The following ABCA13 variants were observed in gnomAD, a reference collection of about 807,000 sequenced individuals.
The protein encoded by ABCA13 is ATP-binding cassette sub-family A member 13.
A neutral mutation model predicts 478.7 loss-of-function variants in ABCA13; 476 were observed. The observed-to-expected ratio is 0.99, with a 90% CI of 0.92 to 1.07. The LOEUF (loss-of-function observed/expected upper bound fraction) is 1.07. Among genes scored for constraint, ABCA13 ranks in the 50% least tolerant of loss-of-function variants. The probability of loss-of-function intolerance (pLI) is 0.00; values close to 1 mark genes in which losing one functional copy is unlikely to be tolerated. For synonymous variants in ABCA13, 2,252 were observed against 2,158.9 expected (o/e 1.04, Z -1.20); for missense variants, 6,060 against 5,910.6 (o/e 1.03, Z -0.83).
At chr7:48,204,243 T>A (rs1393203560) in intron 3 of ABCA13, among the ~76,000 whole-genome samples, 1 of 150,692 alleles carries the variant, frequency 6.6e-6, no homozygotes, top group Non-Finnish European at 1.5e-5. Flanking sequence ...ACAGTCTGGC[T>A]CTGCTGCCCA....
chr7:48,183,606 T>A (rs1584014156), intron 1 of ABCA13, among the ~76,000 whole-genome samples: 1 of 152,364 alleles, frequency 6.6e-6, no homozygotes, highest in East Asian at 1.9e-4. Flanking sequence ...AGGGATTGTG[T>A]ACGGCTCTGC....
intron 58 of ABCA13, 30 bp from the exon 59 acceptor site, chr7:48,615,255 C>G (rs774503314): frequency 7.1e-7 from 1 of 1,410,358 alleles, no homozygotes; most frequent in South Asian, 1.7e-5. Flanking sequence ...CAGGAAATGG[C>G]TCATTTTTGT....
intron 58 of ABCA13, among the ~76,000 whole-genome samples, chr7:48,611,196 A>G (rs996786105): frequency 5.3e-5 from 8 of 152,118 alleles, no homozygotes; most frequent in African/African-American, 1.9e-4. Context: ...AGTTTCCAAT[A>G]AGTTTCTCAT....
intron 3 of ABCA13, among the ~76,000 whole-genome samples, chr7:48,200,619 G>C (rs1388808636): frequency 6.6e-6 from 1 of 152,138 alleles, no homozygotes; most frequent in Admixed American, 6.5e-5. Context: ...CAAGTCAGAG[G>C]TATAAGAAAT....
chr7:48,428,056 G>GA (rs34529024), intron 42 of ABCA13, among the ~76,000 whole-genome samples, 185 bp downstream of exon 42: 44 of 147,046 alleles, frequency 3.0e-4, no homozygotes, highest in South Asian at 4.3e-4. Context: ...ATCCTGGCTT[G>GA]AAAAAAAAAA....
Position 48,389,137 on chromosome 7 carries a change from G to A in ABCA13, c.11571G>A (p.Val3857=). 1.2e-6 allele frequency: 2 copies of A among 1,613,944 alleles called. No homozygotes were observed. The highest frequency in any genetic ancestry group is 1.7e-6 in the Non-Finnish European group (2 of 1,179,864). ...VTKEYEGHKA[V]VQDLSLTFYR... The stretch of plus-strand genomic sequence containing the variant: ...AGGAATATGAGGGCCACAAGGCTGT[G>A]GTCCAAGACCTCAGCCTGACCTTCT... The change falls in exon 37 of 62, where the codon GTG becomes GTA. Residue 3857 remains valine, a synonymous_variant. Transcript: ENST00000435803.
intron 21 of ABCA13, among the ~76,000 whole-genome samples, chr7:48,296,796 A>G (rs1216541079): frequency 6.6e-6 from 1 of 152,140 alleles, no homozygotes; most frequent in Non-Finnish European, 1.5e-5. Context: ...TGTTTGATCA[A>G]TTTTGCTTAG....
At chr7:48,182,309 T>C (rs143021581) in intron 1 of ABCA13, among the ~76,000 whole-genome samples, 2 of 152,354 alleles carry the variant, frequency 1.3e-5, no homozygotes, top group African/African-American at 4.8e-5. Context: ...AAAATAACTC[T>C]TTTATACATA....
intron 2 of ABCA13, among the ~76,000 whole-genome samples, chr7:48,196,427 GC>G (rs1000350695): frequency 2.6e-5 from 4 of 152,106 alleles, no homozygotes; most frequent in Non-Finnish European, 4.4e-5. Flanking sequence ...GCTCCATCAA[GC>G]CCCCCATCAG....
At chr7:48,209,012 G>T (rs914360660) in intron 3 of ABCA13, among the ~76,000 whole-genome samples, 1 of 151,998 alleles carries the variant, frequency 6.6e-6, no homozygotes, top group Admixed American at 6.6e-5. Flanking sequence ...GTATCATAAA[G>T]GAATGTTGAA....
At chr7:48,466,009 TG>T (rs1295035766) in intron 43 of ABCA13, among the ~76,000 whole-genome samples, 2 of 152,136 alleles carry the variant, frequency 1.3e-5, no homozygotes, top group South Asian at 4.1e-4. Flanking sequence ...ATACCATTTT[TG>T]AAATTTTTGA....
At chr7:48,537,934 T>C (rs2131104396) in intron 55 of ABCA13, among the ~76,000 whole-genome samples, 1 of 152,222 alleles carries the variant, frequency 6.6e-6, no homozygotes, top group East Asian at 1.9e-4. Context: ...AACTTTAAAA[T>C]GAAGGTCATA....
intron 48 of ABCA13, among the ~76,000 whole-genome samples, chr7:48,505,044 AGCAGGTGTCAG>A (rs1831080550): frequency 6.6e-6 from 1 of 152,204 alleles, no homozygotes; most frequent in South Asian, 2.1e-4. Context: ...GAAGCGATGC[AGCAGGTGTCAG>A]GCACACACAC....
chr7:48,643,234 C>G (rs1389443990), intron 59 of ABCA13, 54 bp from the exon 60 acceptor site: 15 of 1,153,094 alleles, frequency 1.3e-5, no homozygotes, highest in Middle Eastern at 2.0e-4. Flanking sequence ...TTAGAATTTA[C>G]TCATCTTAGG....
intron 43 of ABCA13, among the ~76,000 whole-genome samples, chr7:48,465,923 T>A (rs183879707): frequency 1.8e-4 from 28 of 152,276 alleles, no homozygotes; most frequent in African/African-American, 5.8e-4. Flanking sequence ...TGTATATTTG[T>A]TAATTTATAT....
chr7:48,403,573 T>C, intron 38 of ABCA13, 110 bp from the exon 39 acceptor site: 1 of 1,077,014 alleles, frequency 9.3e-7, no homozygotes, highest in Non-Finnish European at 1.3e-6. Context: ...TGTGATATAT[T>C]TGTGGTTTAT....
chr7:48,331,303 A>C (rs140091290), intron 27 of ABCA13, among the ~76,000 whole-genome samples: 2,078 of 152,358 alleles, frequency 0.014, 18 homozygotes, highest in Admixed American at 0.019. Context: ...AATTAAATAA[A>C]ATGGAAATAA....
At chr7:48,445,592 C>T (rs1228475787) in intron 42 of ABCA13, among the ~76,000 whole-genome samples, 3 of 152,122 alleles carry the variant, frequency 2.0e-5, no homozygotes, top group East Asian at 1.9e-4. Flanking sequence ...TTCTTCAGTA[C>T]GTGATTTATT....
Position 48,351,618 on chromosome 7 carries a change from G to A in ABCA13, c.10382-563G>A, listed in dbSNP as rs375203573. ...AGACACCTTCATATTGAGTTAGGGC[G>A]CACCCTAATGGCCCTCATTTTAACT... On this transcript the variant is annotated intron_variant, in intron 30 of 61. Coordinates refer to ENST00000435803, the MANE Select transcript of ABCA13 (RefSeq NM_152701.5). Among the ~76,000 whole-genome samples the A allele has an allele frequency of 2.0e-5, 3 of 152,054 alleles. 1 individual carries two copies. Among genetic ancestry groups the A allele is most frequent in the South Asian group, 4.2e-4 (2 of 4,808 alleles).
Sources: gnomAD v4.1 joint callset for allele counts (sites outside exome capture counted in the v4.1 genomes callset) on GRCh38, gnomAD v4.1.1 for gene constraint, MANE v1.5 for transcripts, NCBI Gene and HGNC (gene_info 2026-07-23, HGNC 2026-07-21) for gene names.